ABCC9: variants seen among roughly 807,000 people sequenced by gnomAD.
ABCC9 encodes the protein ATP binding cassette subfamily C member 9, also known as ATP-binding cassette sub-family C member 9.
ABCC9 carries 95 observed loss-of-function variants against 188.3 expected under a neutral mutation model. That is an observed-to-expected ratio of 0.50 (90% CI 0.43 to 0.60). The LOEUF is 0.60. Ranked by LOEUF, ABCC9 falls within the 20% of genes least tolerant of loss-of-function variation. The pLI, the probability that ABCC9 is intolerant of heterozygous loss-of-function variation, is 0.00. For missense variants in ABCC9, 1,102 were observed against 1,876.3 expected (o/e 0.59, Z 7.62); for synonymous variants, 659 against 652.7 (o/e 1.01, Z -0.15).
chr12:21,874,200 T>A (rs1488999981), intron 17 of ABCC9, among the ~76,000 whole-genome samples: 3 of 151,838 alleles, frequency 2.0e-5, no homozygotes, highest in Non-Finnish European at 2.9e-5. Flanking sequence ...AGAACCCGAA[T>A]AGAGATATTT....
intron 31 of ABCC9, chr12:21,827,316 A>G (rs1460145709): frequency 8.1e-6 from 8 of 985,258 alleles, no homozygotes; most frequent in Non-Finnish European, 9.6e-6. Flanking sequence ...AGGAAGTGCT[A>G]AAGAGCAGAA....
rs1161491958 is a variant in ABCC9, at chr12:21,935,495, A to G, written c.142+1038T>C. Among the ~76,000 whole-genome samples, 6 of 152,298 alleles carry G rather than the reference A, an allele frequency of 3.9e-5. No individual in the cohort carries two copies. The South Asian group carries it at 1.0e-3, about 26-fold the overall frequency. On this transcript the variant is annotated intron_variant, in intron 3 of 39. Transcript: ENST00000261200. ...GATATTTGTTAAATGAATAAATAAAAGTGTATGAATGATTTTCAAACATTC... is the reference window on the plus strand; with the variant it reads ...GATATTTGTTAAATGAATAAATAAAGGTGTATGAATGATTTTCAAACATTC...
chr12:21,911,105 G>T, intron 8 of ABCC9, 127 bp from the exon 9 acceptor site: 2 of 883,192 alleles, frequency 2.3e-6, no homozygotes, highest in Admixed American at 4.8e-5. Context: ...TTATACAGCA[G>T]TGAAATACAA....
Position 21,872,726 on chromosome 12 carries a change from C to T in ABCC9, c.2097G>A (p.Gln699=), listed in dbSNP as rs546978327. ...CTACTTGGCCCACAATCATGGTTAA[C>T]TGACCTAGGAAAGCAAAACAAAGGA... ...SNIDIRIPTG[Q]LTMIVGQVGC... The change falls in exon 18 of 40, where the codon CAG becomes CAA. Residue 699 remains glutamine, a synonymous_variant. Transcript: ENST00000261200. 1.2e-6 allele frequency: 2 copies of T among 1,612,192 alleles called. No individual in the cohort carries two copies. Among genetic ancestry groups the T allele is most frequent in the South Asian group, 2.2e-5 (2 of 91,040 alleles).
chr12:21,812,836 C>T (rs1279399302), intron 35 of ABCC9, among the ~76,000 whole-genome samples: 1 of 151,994 alleles, frequency 6.6e-6, no homozygotes, highest in Non-Finnish European at 1.5e-5. Flanking sequence ...TACCCCAGAA[C>T]TTAAAGTATA....
At chr12:21,883,682 C>T (rs1448722350) in intron 15 of ABCC9, among the ~76,000 whole-genome samples, 1 of 152,010 alleles carries the variant, frequency 6.6e-6, no homozygotes, top group Non-Finnish European at 1.5e-5. Context: ...AGCTACACGG[C>T]ACCCAGCTTC....
At chr12:21,842,953 ATATAT>A (rs1944467864) in intron 28 of ABCC9, among the ~76,000 whole-genome samples, 1 of 151,966 alleles carries the variant, frequency 6.6e-6, no homozygotes, top group South Asian at 2.1e-4. Context: ...GATGCTCTGT[ATATAT>A]TATGTTTATT....
chr12:21,854,025 A>G (rs556861800), intron 22 of ABCC9, among the ~76,000 whole-genome samples: 29 of 152,290 alleles, frequency 1.9e-4, no homozygotes, highest in African/African-American at 6.7e-4. Context: ...TGGGCCCAAG[A>G]AAGAAGGAGC....
rs192537179 is a variant in ABCC9 at position 21,860,936 on chromosome 12, T to G, written c.2424+35A>C. ...ACAACCAGAAGACTTTTCTAGATTT[T>G]TGTTCATTGCTTAATGAAACTATAT... On this transcript the variant is annotated intron_variant, in intron 21 of 39. Coordinates refer to ENST00000261200, the MANE Select transcript of ABCC9 (RefSeq NM_020297.4). 25 of 1,504,044 alleles carry G rather than the reference T, an allele frequency of 1.7e-5. No individual in the cohort carries two copies. In the East Asian group the frequency reaches 5.6e-4, roughly 34 times the overall value. The allele number at this position is 1,504,044 out of a possible 1,614,324, so 93.2% of individuals were successfully genotyped here. A position where few individuals can be genotyped will look rare whatever the true frequency, so the allele number is the denominator to read the frequency against.
chr12:21,817,426 C>T (rs1268436537), intron 32 of ABCC9, 119 bp from the exon 33 acceptor site: 4 of 900,698 alleles, frequency 4.4e-6, no homozygotes, highest in Non-Finnish European at 5.2e-6. Flanking sequence ...TGATACAACT[C>T]ATAAGTGCTA....
chr12:21,885,527 C>T (rs1475877394), intron 15 of ABCC9, among the ~76,000 whole-genome samples: 1 of 152,146 alleles, frequency 6.6e-6, no homozygotes, highest in African/African-American at 2.4e-5. Context: ...GCTTATCCCC[C>T]TATCTCTGAA....
intron 2 of ABCC9, among the ~76,000 whole-genome samples, chr12:21,939,585 C>T (rs541196010): frequency 4.6e-5 from 7 of 152,270 alleles, no homozygotes; most frequent in East Asian, 1.9e-4. Flanking sequence ...CATCCTTCAG[C>T]TCCACCCCTT....
intron 4 of ABCC9, among the ~76,000 whole-genome samples, chr12:21,932,858 C>T (rs2138053972): frequency 6.6e-6 from 1 of 151,774 alleles, no homozygotes; most frequent in South Asian, 2.1e-4. Flanking sequence ...ACAGAAATAC[C>T]ATTTGACACA....
chr12:21,916,944 C>T lies in ABCC9; in HGVS notation c.566G>A (p.Arg189Gln), dbSNP rs945226728. 2 of 1,610,908 alleles carry T rather than the reference C, an allele frequency of 1.2e-6. No homozygotes were observed. The highest frequency in any genetic ancestry group is 1.7e-6 in the Non-Finnish European group (2 of 1,178,318). Residue 189 changes from arginine to glutamine, a missense_variant, in exon 6 of 40, where the codon CGA becomes CAA. By Grantham distance (43) the Arg-to-Gln change is conservative. Transcript: ENST00000261200. ...LLMAVEINVI[R>Q]VRRYVFFMNP... The stretch of plus-strand genomic sequence containing the variant: ...AAGCCATTAGCTACCTACCCTGACT[C>T]GAATGACATTGATCTCCACAGCCAT...
chr12:21,799,916 C>T lies in ABCC9; in HGVS notation c.*1128G>A, dbSNP rs1342377037. The T allele has an allele frequency of 2.0e-5, 3 of 152,136 alleles. No individual in the cohort carries two copies. The highest frequency in any genetic ancestry group is 2.9e-5 in the Non-Finnish European group (2 of 68,036). The allele number at this position is 152,136 out of a possible 1,614,324, so 9.4% of individuals were successfully genotyped here. A position where few individuals can be genotyped will look rare whatever the true frequency, so the allele number is the denominator to read the frequency against. ...ACTAATATCCCATCAATTTTTGATACACTCTTTACATGCTCATTAAAATTA... is the reference window on the plus strand; with the variant it reads ...ACTAATATCCCATCAATTTTTGATATACTCTTTACATGCTCATTAAAATTA... On this transcript the variant is annotated 3_prime_UTR_variant, in exon 40 of 40. Transcript: ENST00000261200.
intron 2 of ABCC9, among the ~76,000 whole-genome samples, 158 bp from the exon 3 acceptor site, chr12:21,936,852 C>G (rs1020883875): frequency 2.4e-4 from 37 of 152,110 alleles, no homozygotes; most frequent in African/African-American, 8.5e-4. Flanking sequence ...CAACTTGAAG[C>G]TTTCTTATAA....
At position 21,907,904 on chromosome 12, in the gene ABCC9, A is replaced by G. The variant is rs556590625; in HGVS notation, c.1455+173T>C. Reference sequence around the variant, plus strand: ...TCATCAAGTTTTAAATTTCCAATCCACTTTTAAAAATTGTTTTTGCAACAT... The same window carrying G: ...TCATCAAGTTTTAAATTTCCAATCCGCTTTTAAAAATTGTTTTTGCAACAT... On this transcript the variant is annotated intron_variant, in intron 11 of 39. Coordinates refer to ENST00000261200, the MANE Select transcript of ABCC9 (RefSeq NM_020297.4). Among the ~76,000 whole-genome samples, 8 of 152,082 alleles carry G rather than the reference A, an allele frequency of 5.3e-5. No homozygotes were observed. The East Asian group carries it at 1.5e-3, about 29-fold the overall frequency.
At chr12:21,812,247 G>C (rs907546294) in intron 35 of ABCC9, 90 bp from the exon 36 acceptor site, 7 of 1,037,648 alleles carry the variant, frequency 6.7e-6, no homozygotes, top group Non-Finnish European at 1.0e-5. Flanking sequence ...TTCTTAGTTA[G>C]GGGTTGAAAT....
chr12:21,928,393 AAGGG>A (rs1010733274), intron 4 of ABCC9, among the ~76,000 whole-genome samples: 3 of 144,582 alleles, frequency 2.1e-5, no homozygotes, highest in Admixed American at 7.0e-5. Flanking sequence ...AGAAAAGAGG[AAGGG>A]AGGGAGGGAG....
Sources: gnomAD v4.1 joint callset for allele counts (sites outside exome capture counted in the v4.1 genomes callset) on GRCh38, gnomAD v4.1.1 for gene constraint, MANE v1.5 for transcripts, NCBI Gene and HGNC (gene_info 2026-07-23, HGNC 2026-07-21) for gene names.